Variants in ARHGEF18 observed in about 807,000 individuals in gnomAD.
ARHGEF18 encodes Rho/Rac guanine nucleotide exchange factor 18.
Under a neutral mutation model 155.7 loss-of-function variants are expected in ARHGEF18, and 93 were observed. The observed-to-expected ratio is 0.60, with a 90% confidence interval of 0.50 to 0.71. ARHGEF18 has a LOEUF of 0.71. Ranked by LOEUF, ARHGEF18 falls within the 30% of genes least tolerant of loss-of-function variation. The pLI is 0.00. For synonymous variants in ARHGEF18, 742 were observed against 753.1 expected (o/e 0.99, Z 0.24); for missense variants, 1,593 against 1,816.1 (o/e 0.88, Z 2.23).
chr19:7,386,061 C>T (rs1048648853), intron 10 of ARHGEF18, among the ~76,000 whole-genome samples: 6 of 147,358 alleles, frequency 4.1e-5, no homozygotes, highest in Admixed American at 1.4e-4. Flanking sequence ...CCGCCACCCC[C>T]GGGGCTGGAG....
Position 7,376,680 on chromosome 19 carries a change from C to T in ARHGEF18, c.464C>T (p.Ser155Phe). The T allele has an allele frequency of 5.7e-6, 7 of 1,234,496 alleles. No homozygotes were observed. The highest frequency in any genetic ancestry group is 7.1e-6 in the Non-Finnish European group (7 of 988,260). The allele number at this position is 1,234,496 out of a possible 1,614,324, so 76.5% of individuals were successfully genotyped here. ...DSPKKRGRSR[S>F]VPVSFYEIRS... ...CCCAAGAAAAGAGGGAGGTCAAGGT[C>T]CGTTCCTGTGTCCTTCTATGAGATC... is the stretch of plus-strand genomic sequence containing the variant. Residue 155 changes from serine to phenylalanine, a missense_variant, in exon 5 of 29, where the codon TCC (serine) becomes TTC (phenylalanine). Physicochemically the swap from Ser to Phe is radical, Grantham distance 155 (BLOSUM62 -2). Transcript: ENST00000668164.
intron 10 of ARHGEF18, among the ~76,000 whole-genome samples, chr19:7,420,288 G>C (rs1205896547): frequency 2.0e-5 from 3 of 152,132 alleles, no homozygotes; most frequent in Non-Finnish European, 2.9e-5. Context: ...TTTGAGACAG[G>C]ATCTTGCTCT....
At chr19:7,387,399 G>A (rs745491543) in intron 10 of ARHGEF18, among the ~76,000 whole-genome samples, 2 of 152,036 alleles carry the variant, frequency 1.3e-5, no homozygotes, top group Non-Finnish European at 2.9e-5. Flanking sequence ...TGATCTGCCC[G>A]TCTCGGTCTC....
chr19:7,405,820 C>A (rs920945958), intron 10 of ARHGEF18, among the ~76,000 whole-genome samples: 3 of 151,734 alleles, frequency 2.0e-5, no homozygotes, highest in African/African-American at 7.3e-5. Context: ...TGGGGTTCCA[C>A]CATATTGCCC....
At chr19:7,401,882 G>A (rs928918599) in intron 10 of ARHGEF18, among the ~76,000 whole-genome samples, 2 of 152,150 alleles carry the variant, frequency 1.3e-5, no homozygotes, top group Non-Finnish European at 2.9e-5. Context: ...CCATACTGTG[G>A]AATATTACTT....
intron 1 of ARHGEF18, among the ~76,000 whole-genome samples, chr19:7,352,784 C>T (rs1257031128): frequency 3.4e-5 from 5 of 148,316 alleles, no homozygotes; most frequent in Admixed American, 6.8e-5. Context: ...CCGCCCACCT[C>T]GGCCTCCCAA....
At chr19:7,404,063 G>A (rs145508714) in intron 10 of ARHGEF18, among the ~76,000 whole-genome samples, 1,608 of 147,492 alleles carry the variant, frequency 0.011, 19 homozygotes, top group African/African-American at 0.026. Flanking sequence ...GCGAGACTCC[G>A]TCTCAAAAAA....
intron 1 of ARHGEF18, 118 bp from the exon 2 acceptor site, chr19:7,362,663 A>T (rs1303402303): frequency 1.8e-5 from 18 of 977,064 alleles, no homozygotes; most frequent in Non-Finnish European, 2.0e-5. Context: ...TCACCAACTC[A>T]TTTTATAGTT....
At chr19:7,436,302 G>A (rs1359695419) in intron 10 of ARHGEF18, among the ~76,000 whole-genome samples, 3 of 148,012 alleles carry the variant, frequency 2.0e-5, no homozygotes, top group Non-Finnish European at 4.5e-5. Flanking sequence ...TTCAAGACAG[G>A]ATCTCACTCT....
intron 13 of ARHGEF18, among the ~76,000 whole-genome samples, chr19:7,442,536 C>T (rs149431212): frequency 2.6e-5 from 4 of 151,902 alleles, no homozygotes; most frequent in Non-Finnish European, 4.4e-5. Flanking sequence ...TGCCTGGCCT[C>T]TCTCTGTCTT....
chr19:7,433,814 G>T (rs1031194783), intron 10 of ARHGEF18, among the ~76,000 whole-genome samples: 1 of 151,946 alleles, frequency 6.6e-6, no homozygotes, highest in African/African-American at 2.4e-5. Flanking sequence ...GAGGCCAGGA[G>T]TTTGAGACCA....
chr19:7,368,002 G>GAGAGA (rs1970012342), intron 2 of ARHGEF18, among the ~76,000 whole-genome samples: 38 of 32,444 alleles, frequency 1.2e-3, no homozygotes, highest in African/African-American at 4.4e-3. Context: ...AGAGAGAGAG[G>GAGAGA]GAGGGAGGGA....
At chr19:7,383,018 G>C (rs1970818670) in intron 9 of ARHGEF18, 44 bp from the exon 10 acceptor site, 1 of 1,232,380 alleles carries the variant, frequency 8.1e-7, no homozygotes, top group Non-Finnish European at 1.0e-6. Flanking sequence ...AAGAGGGCCA[G>C]TGCCTGCAGA....
chr19:7,464,828 A>G, intron 23 of ARHGEF18, 138 bp downstream of exon 23: 1 of 1,237,402 alleles, frequency 8.1e-7, no homozygotes, highest in Non-Finnish European at 1.1e-6. Context: ...GAATAACAGT[A>G]TCTCAGCCCA....
chr19:7,387,636 T>C (rs1021215144), intron 10 of ARHGEF18, among the ~76,000 whole-genome samples: 15 of 152,114 alleles, frequency 9.9e-5, no homozygotes, highest in African/African-American at 3.4e-4. Context: ...TGTTCATTTA[T>C]GTATCACCTT....
chr19:7,388,737 C>A (rs1243972785), intron 10 of ARHGEF18, among the ~76,000 whole-genome samples: 3 of 151,214 alleles, frequency 2.0e-5, no homozygotes, highest in Admixed American at 2.0e-4. Flanking sequence ...TGCGCCACCA[C>A]GCCTGGCTAA....
At position 7,470,325 on chromosome 19, in the gene ARHGEF18, C is replaced by A; in HGVS notation, c.*27C>A. The A allele has an allele frequency of 1.4e-6, 2 of 1,451,998 alleles. No homozygotes were observed. Among genetic ancestry groups the A allele is most frequent in the Non-Finnish European group, 1.8e-6 (2 of 1,097,966 alleles). 89.9% of individuals were successfully genotyped at this position (1,451,998 alleles called of 1,614,324 possible). ...AGGGCCGTGACTCAAGGTGCAAGGC[C>A]CCTCCCTGCCCTGCCCACCCTTCCT... On this transcript the variant is annotated 3_prime_UTR_variant, in exon 29 of 29. Transcript: ENST00000668164. The surrounding 1 kb of genome is among the most constrained non-coding windows in gnomAD (Gnocchi z 5.9).
chr19:7,355,642 G>T (rs1969270053), intron 1 of ARHGEF18: 1 of 985,340 alleles, frequency 1.0e-6, no homozygotes, highest in Non-Finnish European at 1.2e-6. Flanking sequence ...CTGACTCGGT[G>T]CTCAACCACT....
At position 7,425,962 on chromosome 19, in the gene ARHGEF18, T is replaced by G. The variant is rs188719146; in HGVS notation, c.968-14382T>G. On this transcript the variant is annotated intron_variant, in intron 10 of 28. Transcript: ENST00000668164. ...CTACAGTGACCTATGAATGCACCAC[T>G]GCACTCCAGCCTGGGCAACAGAGTG... Among the ~76,000 whole-genome samples, 6 of 152,162 alleles carry G rather than the reference T, an allele frequency of 3.9e-5. No homozygotes were observed. In the East Asian group the frequency reaches 1.2e-3, roughly 30 times the overall value.
Sources: gnomAD v4.1 joint callset for allele counts (sites outside exome capture counted in the v4.1 genomes callset) on GRCh38, gnomAD v4.1.1 for gene constraint, Gnocchi (gnomAD v3.1) non-coding constraint, MANE v1.5 for transcripts, NCBI Gene and HGNC (gene_info 2026-07-23, HGNC 2026-07-21) for gene names.